C5orf34: variants seen among roughly 807,000 people sequenced by gnomAD.
C5orf34 encodes chromosome 5 open reading frame 34.
A neutral mutation model predicts 78.4 loss-of-function variants in C5orf34; 73 were observed. The ratio of observed to expected loss-of-function variants is 0.93; its 90% CI spans 0.77 to 1.13. The LOEUF (loss-of-function observed/expected upper bound fraction) is 1.13, where lower values mean the gene tolerates loss of function less well. Among genes scored for constraint, C5orf34 ranks in the 50% most tolerant of loss-of-function variants. The probability of loss-of-function intolerance (pLI) is 0.00; values close to 1 mark genes in which losing one functional copy is unlikely to be tolerated. For synonymous variants in C5orf34, 251 were observed against 246.6 expected (o/e 1.02, Z -0.17); for missense variants, 730 against 732.7 (o/e 1.00, Z 0.04).
intron 1 of C5orf34, among the ~76,000 whole-genome samples, chr5:43,513,859 T>C (rs1202759289): frequency 6.6e-6 from 1 of 152,232 alleles, no homozygotes; most frequent in Admixed American, 6.5e-5. Context: ...TTTTTCTTCA[T>C]AGAATCTATC....
intron 6 of C5orf34, 27 bp downstream of exon 6, chr5:43,502,345 C>CTTGAGTTGAG: frequency 6.2e-7 from 1 of 1,609,312 alleles, no homozygotes; most frequent in Non-Finnish European, 8.5e-7. Flanking sequence ...CAAAACTCTT[C>CTTGAGTTGAG]TTGAGTTGAG....
At chr5:43,503,909 G>T in intron 4 of C5orf34, 149 bp from the exon 5 acceptor site, 1 of 580,218 alleles carries the variant, frequency 1.7e-6, no homozygotes, top group South Asian at 2.2e-5. Context: ...GTATATTAAT[G>T]AAATGTAAAA....
chr5:43,492,635 T>G (rs1745328612), intron 9 of C5orf34, 85 bp downstream of exon 9: 2 of 1,161,526 alleles, frequency 1.7e-6, no homozygotes, highest in East Asian at 2.4e-5. Flanking sequence ...AAAAATGAAC[T>G]GAAATAGTGT....
chr5:43,504,312 A>T (rs1745888240), intron 4 of C5orf34, among the ~76,000 whole-genome samples: 1 of 152,054 alleles, frequency 6.6e-6, no homozygotes, highest in Non-Finnish European at 1.5e-5. Context: ...AAAAAAAAAA[A>T]ATTACTAAAA....
At chr5:43,495,807 G>C in intron 6 of C5orf34, 2 of 1,576,118 alleles carry the variant, frequency 1.3e-6, no homozygotes, top group Admixed American at 3.3e-5. Context: ...CCATCCTTAC[G>C]GGTGGCTTTC....
At chr5:43,507,165 G>T (rs1006356568) in intron 3 of C5orf34, among the ~76,000 whole-genome samples, 2 of 152,156 alleles carry the variant, frequency 1.3e-5, no homozygotes, top group Non-Finnish European at 2.9e-5. Context: ...AAGAAAAATT[G>T]ATTCTGACTA....
At chr5:43,491,257 A>G (rs1745267861) in intron 10 of C5orf34, among the ~76,000 whole-genome samples, 1 of 152,248 alleles carries the variant, frequency 6.6e-6, no homozygotes, top group African/African-American at 2.4e-5. Context: ...TGGCTGAATC[A>G]ATAGAAATGT....
intron 10 of C5orf34, 59 bp from the exon 11 acceptor site, chr5:43,490,788 T>C: frequency 1.2e-6 from 1 of 811,182 alleles, no homozygotes; most frequent in Non-Finnish European, 1.9e-6. Flanking sequence ...ATTATAAAAT[T>C]ATAAACAAAT....
intron 10 of C5orf34, 34 bp from the exon 11 acceptor site, chr5:43,490,763 A>T (rs759597212): frequency 2.0e-6 from 2 of 994,078 alleles, no homozygotes; most frequent in Non-Finnish European, 3.1e-6. Context: ...ATACTTGAAA[A>T]ATGAACTTGA....
intron 12 of C5orf34, among the ~76,000 whole-genome samples, 200 bp from the exon 13 acceptor site, chr5:43,487,311 G>A (rs529201356): frequency 1.2e-4 from 19 of 152,154 alleles, no homozygotes; most frequent in Non-Finnish European, 2.8e-4. Context: ...GAGGGGGAAA[G>A]AGAATAGAGT....
At chr5:43,500,151 G>GA (rs1745698642) in intron 6 of C5orf34, among the ~76,000 whole-genome samples, 1 of 152,130 alleles carries the variant, frequency 6.6e-6, no homozygotes, top group African/African-American at 2.4e-5. Context: ...TTTGGTAAGG[G>GA]AAAAATGTTA....
At chr5:43,507,795 C>G (rs1401406274) in intron 3 of C5orf34, among the ~76,000 whole-genome samples, 1 of 152,098 alleles carries the variant, frequency 6.6e-6, no homozygotes, top group Admixed American at 6.5e-5. Context: ...AAAGAGGCTG[C>G]CGGCCGGGCG....
At chr5:43,512,844 G>A (rs185290320) in intron 1 of C5orf34, among the ~76,000 whole-genome samples, 73 of 129,558 alleles carry the variant, frequency 5.6e-4, no homozygotes, top group African/African-American at 6.3e-4. Flanking sequence ...GTAGAGTGGC[G>A]CAATCTGGGC....
Position 43,509,381 on chromosome 5 carries a change from T to A in C5orf34, c.-36-6A>T. Reference sequence around the variant, plus strand: ...GATATCTTCTAAGTCAAAGACTGAATGAAATAGGAAAAACAACAGCATAAA... The same window carrying A: ...GATATCTTCTAAGTCAAAGACTGAAAGAAATAGGAAAAACAACAGCATAAA... On this transcript the variant is annotated splice_polypyrimidine_tract_variant and splice_region_variant and intron_variant, in intron 1 of 12. Coordinates refer to ENST00000306862, the MANE Select transcript of C5orf34 (RefSeq NM_198566.4). 1 of 1,485,584 alleles carries A rather than the reference T, an allele frequency of 6.7e-7. No individual in the cohort carries two copies. Among genetic ancestry groups the A allele is most frequent in the African/African-American group, 1.4e-5 (1 of 71,126 alleles). The allele number at this position is 1,485,584 out of a possible 1,614,324, so 92.0% of individuals were successfully genotyped here.
At position 43,505,893 on chromosome 5, in the gene C5orf34, T is replaced by C. The variant is rs1215082773; in HGVS notation, c.787A>G (p.Asn263Asp). ...YPLSLALHFH[N>D]KISNMSKIDA... ...ATTTTAGACATATTGCTGATTTTAT[T>C]ATGAAAATGAAGTGCTAAAGACAAA... is the stretch of plus-strand genomic sequence containing the variant. The change falls in exon 4 of 13, where the codon AAT becomes GAT. Residue 263 changes from asparagine to aspartate, a missense_variant. Transcript: ENST00000306862. 6.2e-7 allele frequency: 1 copy of C among 1,613,988 alleles called. No individual in the cohort carries two copies.
intron 6 of C5orf34, among the ~76,000 whole-genome samples, chr5:43,501,137 T>C (rs368415493): frequency 1.2e-4 from 18 of 152,338 alleles, no homozygotes; most frequent in Non-Finnish European, 1.9e-4. Flanking sequence ...TTGAGTAAAA[T>C]TGAAGCTCCA....
At chr5:43,494,863 A>G (rs1006050826) in intron 6 of C5orf34, among the ~76,000 whole-genome samples, 2 of 152,170 alleles carry the variant, frequency 1.3e-5, no homozygotes, top group African/African-American at 4.8e-5. Context: ...ACTGATTTTA[A>G]AAACTAATAA....
chr5:43,514,379 G>A (rs1746394923), intron 1 of C5orf34: 1 of 152,032 alleles, frequency 6.6e-6, no homozygotes, highest in Admixed American at 6.5e-5. Flanking sequence ...CGTATATATC[G>A]GGTATGTCTA....
Position 43,494,999 on chromosome 5 carries a change from A to G in C5orf34, c.1153-398T>C, listed in dbSNP as rs1396741618. On this transcript the variant is annotated intron_variant, in intron 6 of 12. Transcript: ENST00000306862. ...TTTCACTACTAAACTTAAATGGCCA[A>G]TTGAAACAAACAGTTCTGAGACCAT... The G allele has an allele frequency of 3.3e-6, 4 of 1,224,236 alleles. No homozygotes were observed. In the Admixed American group the frequency reaches 5.5e-5, roughly 17 times the overall value. 75.8% of individuals were successfully genotyped at this position (1,224,236 alleles called of 1,614,324 possible).
Sources: gnomAD v4.1 joint callset for allele counts (sites outside exome capture counted in the v4.1 genomes callset) on GRCh38, gnomAD v4.1.1 for gene constraint, MANE v1.5 for transcripts, NCBI Gene and HGNC (gene_info 2026-07-23, HGNC 2026-07-21) for gene names.